The following ZC3H12B variants were observed in gnomAD, a reference collection of about 807,000 sequenced individuals.
The protein encoded by ZC3H12B is zinc finger CCCH-type containing 12B.
A neutral mutation model predicts 43.9 loss-of-function variants in ZC3H12B; 7 were observed. The observed-to-expected ratio is 0.16, with a 90% CI of 0.09 to 0.30. The LOEUF is 0.30. ZC3H12B is among the 10% of genes least tolerant of loss of function. ZC3H12B has a pLI of 1.00. For synonymous variants in ZC3H12B, 222 were observed against 241.7 expected (o/e 0.92, Z 0.76); for missense variants, 475 against 670.2 (o/e 0.71, Z 3.22).
At chrX:65,418,522 G>A (rs935933646) in intron 3 of ZC3H12B, among the ~76,000 whole-genome samples, 25 of 111,773 alleles carry the variant, frequency 2.2e-4, no homozygotes, top group Non-Finnish European at 4.5e-4. Context: ...CAGGAACCAA[G>A]TGATAACAGT....
the ZC3H12B span, among the ~76,000 whole-genome samples, chrX:65,099,176 G>A: frequency 9.0e-6 from 1 of 111,728 alleles, no homozygotes; most frequent in Admixed American, 9.5e-5. Context: ...CTCTTGACTG[G>A]GCAGGACATC....
chrX:65,355,509 T>G, the ZC3H12B span, among the ~76,000 whole-genome samples: 2 of 111,365 alleles, frequency 1.8e-5, no homozygotes, highest in East Asian at 5.6e-4. Context: ...GCTACACTTT[T>G]TTCATCAGGA....
At chrX:65,327,884 C>A in the ZC3H12B span, 1 of 125,300 alleles carries the variant, frequency 8.0e-6, no homozygotes, top group Non-Finnish European at 1.8e-5. Context: ...AACATCAATT[C>A]TGTTATGCAC....
upstream of ZC3H12B, among the ~76,000 whole-genome samples, chrX:65,365,373 G>A (rs546775654): frequency 1.8e-5 from 2 of 110,860 alleles, no homozygotes; most frequent in South Asian, 7.8e-4. Context: ...TGGGCCTTGT[G>A]TCTTTCATTT....
At chrX:65,036,248 C>T in the ZC3H12B span, among the ~76,000 whole-genome samples, 1 of 111,751 alleles carries the variant, frequency 8.9e-6, no homozygotes, top group Non-Finnish European at 1.9e-5. Context: ...CCACAGATGA[C>T]ACCTATCAAA....
chrX:65,333,417 G>A, the ZC3H12B span, among the ~76,000 whole-genome samples: 1 of 111,525 alleles, frequency 9.0e-6, no homozygotes, highest in Non-Finnish European at 1.9e-5. Flanking sequence ...CAGGTAGAGA[G>A]AAAAAAATCC....
chrX:65,181,517 C>T, the ZC3H12B span, among the ~76,000 whole-genome samples: 1 of 111,317 alleles, frequency 9.0e-6, no homozygotes, highest in Non-Finnish European at 1.9e-5. Context: ...TGAAAAAGGT[C>T]TAATATCCAG....
chrX:65,077,563 G>A, the ZC3H12B span, among the ~76,000 whole-genome samples: 1 of 112,090 alleles, frequency 8.9e-6, no homozygotes, highest in African/African-American at 3.2e-5. Flanking sequence ...TGACCTCATT[G>A]TGGGTGGAAG....
At chrX:65,444,593 C>T (rs2067350703) in intron 3 of ZC3H12B, among the ~76,000 whole-genome samples, 1 of 112,150 alleles carries the variant, frequency 8.9e-6, no homozygotes, top group Non-Finnish European at 1.9e-5. Flanking sequence ...TCAGGTATAT[C>T]TTTATCAGCA....
chrX:65,152,884 G>C, the ZC3H12B span, among the ~76,000 whole-genome samples: 1,108 of 111,628 alleles, frequency 9.9e-3, 13 homozygotes, highest in African/African-American at 0.034. Context: ...CCAAAACAGA[G>C]ATATAGATAA....
chrX:65,488,592 A>G (rs2068160179), upstream of ZC3H12B: 3 of 346,599 alleles, frequency 8.7e-6, no homozygotes, highest in South Asian at 2.3e-4. Context: ...TGTATTCTAA[A>G]ATGCTTTTCC....
exon 5 of ZC3H12B, chrX:65,506,324 A>G (rs909080133): frequency 8.9e-6 from 1 of 112,710 alleles, no homozygotes; most frequent in Non-Finnish European, 1.9e-5. Context: ...GAGCTATACA[A>G]CTATGAATAC....
chrX:65,058,489 CG>C, the ZC3H12B span, among the ~76,000 whole-genome samples: 1 of 112,233 alleles, frequency 8.9e-6, no homozygotes, highest in East Asian at 2.8e-4. Context: ...TGCCTGTACT[CG>C]GGGGTGCCTC....
chrX:65,286,640 A>G, the ZC3H12B span, among the ~76,000 whole-genome samples: 1 of 110,950 alleles, frequency 9.0e-6, no homozygotes, highest in Non-Finnish European at 1.9e-5. Context: ...ACCTATACAT[A>G]TATTCTTCAG....
chrX:65,225,531 CTT>C, the ZC3H12B span, among the ~76,000 whole-genome samples: 1 of 112,574 alleles, frequency 8.9e-6, no homozygotes, highest in African/African-American at 3.2e-5. Flanking sequence ...CGGAGAATGA[CTT>C]TGACGAGTTG....
chrX:65,302,528 G>A, the ZC3H12B span, among the ~76,000 whole-genome samples: 30 of 111,964 alleles, frequency 2.7e-4, no homozygotes, highest in Middle Eastern at 4.7e-3. Context: ...AAATAAATGG[G>A]AAGTCATTTT....
the ZC3H12B span, among the ~76,000 whole-genome samples, chrX:65,337,198 T>C: frequency 9.0e-6 from 1 of 111,530 alleles, no homozygotes; most frequent in South Asian, 3.8e-4. Flanking sequence ...AGTCAGCCAA[T>C]TGGTGCTGCA....
the ZC3H12B span, among the ~76,000 whole-genome samples, chrX:65,214,055 ATATCT>A: frequency 9.0e-6 from 1 of 111,000 alleles, no homozygotes; most frequent in Non-Finnish European, 1.9e-5. Flanking sequence ...AAAAATGTAC[ATATCT>A]TATTTCAAAG....
At chrX:65,193,808 G>A in the ZC3H12B span, among the ~76,000 whole-genome samples, 3 of 111,443 alleles carry the variant, frequency 2.7e-5, no homozygotes, top group Admixed American at 1.9e-4. Flanking sequence ...ATATCTCATT[G>A]TATTAGTCTG....
Sources: allele counts gnomAD v4.1 joint callset (sites outside exome capture counted in the v4.1 genomes callset), GRCh38; gene constraint gnomAD v4.1.1; transcripts MANE v1.5; gene names NCBI Gene and HGNC (gene_info 2026-07-23, HGNC 2026-07-21).